The following FGGY variants were observed in gnomAD, a reference collection of about 807,000 sequenced individuals.
FGGY encodes FGGY carbohydrate kinase domain-containing protein.
In FGGY, 72 loss-of-function variants were observed where a neutral mutation model predicts 71.3. That is an observed-to-expected ratio of 1.01 (90% CI 0.84 to 1.23). The LOEUF is 1.23. Among genes scored for constraint, FGGY ranks in the 50% most tolerant of loss-of-function variants. FGGY has a pLI of 0.00. For synonymous variants in FGGY, 251 were observed against 250.3 expected (o/e 1.00, Z -0.02); for missense variants, 668 against 682.3 (o/e 0.98, Z 0.23).
intron 6 of FGGY, among the ~76,000 whole-genome samples, chr1:59,464,447 T>C (rs2092473088): frequency 1.3e-5 from 2 of 151,916 alleles, no homozygotes; most frequent in African/African-American, 4.8e-5. Context: ...AACATCACAA[T>C]TAAAAGAACT....
intron 6 of FGGY, among the ~76,000 whole-genome samples, chr1:59,460,561 C>T (rs530426167): frequency 9.2e-5 from 14 of 152,322 alleles, no homozygotes; most frequent in African/African-American, 3.4e-4. Flanking sequence ...GTTCTCCCAG[C>T]ACAGTGTTTG....
chr1:59,441,032 A>T (rs1477689247), intron 5 of FGGY, among the ~76,000 whole-genome samples: 2 of 152,124 alleles, frequency 1.3e-5, no homozygotes, highest in Non-Finnish European at 2.9e-5. Flanking sequence ...AAGTTCTCAG[A>T]ACCTCCACAG....
intron 5 of FGGY, among the ~76,000 whole-genome samples, chr1:59,392,130 A>G: frequency 6.6e-6 from 1 of 152,156 alleles, no homozygotes; most frequent in Non-Finnish European, 1.5e-5. Flanking sequence ...TACAGTGGGC[A>G]TCTCAGTCTT....
rs562564071 is a variant in FGGY, at chr1:59,374,077, T to C, written c.466-4672T>C. On this transcript the variant is annotated intron_variant, in intron 4 of 15. Transcript: ENST00000303721. ...TGGGATCTCATTAAACTAAAGAGCT[T>C]CTGCACAGCAAAAGAAACTACCATC... 7.5e-4 allele frequency among the ~76,000 whole-genome samples: 114 copies of C among 152,202 alleles called. 1 individual carries two copies. Among genetic ancestry groups the C allele is most frequent in the African/African-American group, 2.3e-3 (96 of 41,516 alleles).
chr1:59,463,293 T>C (rs1309294107), intron 6 of FGGY, among the ~76,000 whole-genome samples: 1 of 152,072 alleles, frequency 6.6e-6, no homozygotes, highest in Non-Finnish European at 1.5e-5. Context: ...ATAAAATCCT[T>C]TACACACAAG....
intron 5 of FGGY, among the ~76,000 whole-genome samples, chr1:59,401,470 T>C (rs2061960106): frequency 6.6e-6 from 1 of 152,206 alleles, no homozygotes; most frequent in African/African-American, 2.4e-5. Flanking sequence ...AAATAGGCAA[T>C]GCCAGAGACA....
intron 1 of FGGY, among the ~76,000 whole-genome samples, 175 bp downstream of exon 1, chr1:59,297,325 C>T (rs1420893347): frequency 6.6e-6 from 1 of 152,162 alleles, no homozygotes; most frequent in Non-Finnish European, 1.5e-5. Context: ...ATTTTCCTGG[C>T]ATTTGAGGAG....
At chr1:59,572,456 AT>A in intron 8 of FGGY, among the ~76,000 whole-genome samples, 1 of 152,274 alleles carries the variant, frequency 6.6e-6, no homozygotes, top group South Asian at 2.1e-4. Context: ...CTTCTGAGGG[AT>A]TTTAGTCTTT....
At chr1:59,663,016 A>G (rs138727092) in intron 12 of FGGY, among the ~76,000 whole-genome samples, 122 of 142,848 alleles carry the variant, frequency 8.5e-4, no homozygotes, top group Non-Finnish European at 1.3e-3. Context: ...TTTTGAGCAC[A>G]TGCTAAGAGG....
At chr1:59,595,866 A>C (rs1186897933) in intron 8 of FGGY, among the ~76,000 whole-genome samples, 2 of 152,144 alleles carry the variant, frequency 1.3e-5, no homozygotes, top group Non-Finnish European at 2.9e-5. Context: ...TAGATAGCCT[A>C]TTCCAAGGGT....
intron 14 of FGGY, among the ~76,000 whole-genome samples, chr1:59,692,634 C>CAA (rs60192053): frequency 8.8e-5 from 8 of 90,992 alleles, no homozygotes; most frequent in South Asian, 3.2e-4. Flanking sequence ...GATGAGAGGA[C>CAA]AAAAAAAAAA....
chr1:59,442,485 T>A (rs1381795465), intron 5 of FGGY, among the ~76,000 whole-genome samples: 1 of 152,198 alleles, frequency 6.6e-6, no homozygotes, highest in East Asian at 1.9e-4. Context: ...TCTTTTCCTG[T>A]CCTTCCTTAG....
chr1:59,408,507 C>A (rs2063101978), intron 5 of FGGY, among the ~76,000 whole-genome samples: 2 of 152,110 alleles, frequency 1.3e-5, no homozygotes, highest in Non-Finnish European at 2.9e-5. Flanking sequence ...TTATTCATAC[C>A]TGAAAACCTA....
At chr1:59,316,755 GAAATGTCTTGT>G in intron 1 of FGGY, among the ~76,000 whole-genome samples, 1 of 152,254 alleles carries the variant, frequency 6.6e-6, no homozygotes, top group Middle Eastern at 3.4e-3. Context: ...TCTGTGCTTT[GAAATGTCTTGT>G]AGACTGAGAA....
At chr1:59,403,085 G>A (rs1239067357) in intron 5 of FGGY, among the ~76,000 whole-genome samples, 2 of 152,174 alleles carry the variant, frequency 1.3e-5, no homozygotes, top group Non-Finnish European at 2.9e-5. Flanking sequence ...AAAGGTTATA[G>A]AGTTGTGGAA....
At chr1:59,540,968 A>C (rs916897686) in intron 7 of FGGY, among the ~76,000 whole-genome samples, 6 of 152,186 alleles carry the variant, frequency 3.9e-5, no homozygotes, top group African/African-American at 1.4e-4. Flanking sequence ...ATGAGTAATC[A>C]AGTAAGGGAA....
At chr1:59,539,041 A>C (rs1010217143) in intron 7 of FGGY, among the ~76,000 whole-genome samples, 1 of 152,176 alleles carries the variant, frequency 6.6e-6, no homozygotes, top group Admixed American at 6.6e-5. Context: ...ATTTACAATA[A>C]AATAAAAATA....
chr1:59,710,405 A>G (rs532057721), intron 14 of FGGY, among the ~76,000 whole-genome samples: 3 of 152,346 alleles, frequency 2.0e-5, no homozygotes, highest in African/African-American at 7.2e-5. Context: ...TTCATGACTA[A>G]AACACCGAAA....
intron 10 of FGGY, among the ~76,000 whole-genome samples, chr1:59,635,131 A>AG (rs1162623642): frequency 1.3e-5 from 2 of 152,228 alleles, no homozygotes; most frequent in Non-Finnish European, 2.9e-5. Context: ...GAACCAAAAA[A>AG]GGCATCATGC....
Sources: gnomAD v4.1 joint callset for allele counts (sites outside exome capture counted in the v4.1 genomes callset) on GRCh38, gnomAD v4.1.1 for gene constraint, MANE v1.5 for transcripts, NCBI Gene and HGNC (gene_info 2026-07-23, HGNC 2026-07-21) for gene names.